Variants in CNTRL observed in about 807,000 individuals in gnomAD.
CNTRL encodes the protein 110 kDa centrosomal protein.
In CNTRL, 233 loss-of-function variants were observed where a neutral mutation model predicts 303.7. The observed-to-expected ratio is 0.77, with a 90% CI of 0.69 to 0.86. The LOEUF (loss-of-function observed/expected upper bound fraction) is 0.86. Among genes scored for constraint, CNTRL ranks in the 40% least tolerant of loss-of-function variants. The pLI is 0.00. For missense variants in CNTRL, 2,524 were observed against 2,650.6 expected, an observed-to-expected ratio of 0.95 and a Z score of 1.05; for synonymous variants, 900 against 922.2, an observed-to-expected ratio of 0.98 and a Z score of 0.44.
intron 1 of CNTRL, 53 bp downstream of exon 1, chr9:121,075,120 GGGGCC>G (rs996067102): frequency 5.6e-6 from 2 of 357,674 alleles, no homozygotes; most frequent in African/African-American, 4.3e-5. Flanking sequence ...CCGAGCAGTG[GGGGCC>G]GGCGGCAAAG....
chr9:121,167,188 G>A (rs1169000936), intron 36 of CNTRL, among the ~76,000 whole-genome samples: 1 of 152,116 alleles, frequency 6.6e-6, no homozygotes, highest in Non-Finnish European at 1.5e-5. Context: ...GCATGTGCCT[G>A]TAGTCCCAGC....
intron 16 of CNTRL, among the ~76,000 whole-genome samples, chr9:121,138,909 G>A (rs1277040102): frequency 6.6e-6 from 1 of 152,168 alleles, no homozygotes; most frequent in African/African-American, 2.4e-5. Context: ...CAAAGAGATA[G>A]AGGCAGTGTC....
Position 121,098,524 on chromosome 9 carries a change from C to T in CNTRL, c.760C>T (p.Pro254Ser). ...LRSLESLEGQ[P>S]VTTQDRQEAF... ...TTCATTGGAAAGTTTGGAAGGTCAGCCAGTAACCACTCAGGATAGACAGGA... is the reference window on the plus strand; with the variant it reads ...TTCATTGGAAAGTTTGGAAGGTCAGTCAGTAACCACTCAGGATAGACAGGA... The change falls in exon 7 of 44, where the codon CCA (proline) becomes TCA (serine). Residue 254 changes from proline to serine, a missense_variant. Coordinates refer to ENST00000373855, the MANE Select transcript of CNTRL (RefSeq NM_007018.6). 1.2e-6 allele frequency: 2 copies of T among 1,613,534 alleles called. No individual in the cohort carries two copies. The highest frequency in any genetic ancestry group is 1.7e-6 in the Non-Finnish European group (2 of 1,179,704).
At chr9:121,116,938 A>T (rs1182642624) in intron 11 of CNTRL, among the ~76,000 whole-genome samples, 1 of 152,214 alleles carries the variant, frequency 6.6e-6, no homozygotes, top group African/African-American at 2.4e-5. Flanking sequence ...TTACTAATTT[A>T]AAAAGAATTT....
rs1009220545 is a variant in CNTRL, at chr9:121,177,365, A to T, written c.*179A>T. ...CAATGTTTTTATAAATCACTTGTAC[A>T]TAGTACATATGGGAATAGTTGCATA... is the stretch of plus-strand genomic sequence containing the variant. On this transcript the variant is annotated 3_prime_UTR_variant, in exon 44 of 44. Transcript: ENST00000373855. 5.3e-6 allele frequency: 3 copies of T among 568,030 alleles called. No individual in the cohort carries two copies. The African/African-American group carries it at 5.8e-5, about 11-fold the overall frequency. The allele number at this position is 568,030 out of a possible 1,614,324, so 35.2% of individuals were successfully genotyped here.
intron 24 of CNTRL, 67 bp downstream of exon 24, chr9:121,148,928 G>A: frequency 7.0e-7 from 1 of 1,438,336 alleles, no homozygotes; most frequent in Non-Finnish European, 9.6e-7. Flanking sequence ...CTGATTCTCT[G>A]AAACCCCTAA....
In CNTRL at chr9:121,165,031, C is replaced by T; in HGVS notation, c.5512C>T (p.Leu1838=). 1 of 1,609,588 alleles carries T rather than the reference C, an allele frequency of 6.2e-7. No homozygotes were observed. Among genetic ancestry groups the T allele is most frequent in the African/African-American group, 1.3e-5 (1 of 74,692 alleles). ...ELNVRKLQQE[L]DQLNRDKLSL... ...GAATGTCAGAAAACTGCAGCAGGAA[C>T]TAGACCAACTAAACAGAGACAAGTT... The change falls in exon 35 of 44, where the codon CTA becomes TTA. Residue 1838 remains leucine, a synonymous_variant. Transcript: ENST00000373855.
intron 7 of CNTRL, among the ~76,000 whole-genome samples, chr9:121,107,045 A>G (rs1447567041): frequency 1.3e-5 from 2 of 152,102 alleles, no homozygotes; most frequent in Non-Finnish European, 2.9e-5. Flanking sequence ...CTATTTGATC[A>G]CATTTTACTA....
In CNTRL at chr9:121,096,465, A is replaced by G; in HGVS notation, c.523A>G (p.Asn175Asp). 1 of 1,573,296 alleles carries G rather than the reference A, an allele frequency of 6.4e-7. No individual in the cohort carries two copies. Among genetic ancestry groups the G allele is most frequent in the Non-Finnish European group, 8.6e-7 (1 of 1,157,546 alleles). Residue 175 changes from asparagine (N) to aspartate (D), a missense_variant, in exon 6 of 44, where the codon AAC (asparagine) becomes GAC (aspartate). Coordinates refer to ENST00000373855, the MANE Select transcript of CNTRL (RefSeq NM_007018.6). ...AAATATGTGTAATCTGCAAAAGCTTAACCTTGCAGGAAATGAAATTGAGCA... is the reference window on the plus strand; with the variant it reads ...AAATATGTGTAATCTGCAAAAGCTTGACCTTGCAGGAAATGAAATTGAGCA... ...IENMCNLQKL[N>D]LAGNEIEHIP...
rs2052035428 is a variant in CNTRL, at chr9:121,148,862, G to T, written c.3649+1G>T. The T allele has an allele frequency of 6.2e-7, 1 of 1,610,644 alleles. No individual in the cohort carries two copies. Among genetic ancestry groups the T allele is most frequent in the Non-Finnish European group, 8.5e-7 (1 of 1,178,456 alleles). On this transcript the variant is annotated splice_donor_variant, in intron 24 of 43. Transcript: ENST00000373855. LOFTEE classifies it high-confidence loss of function. ...TTACATAAACTGTTTCCAAGTAGAG[G>T]TAAGTCAAATCACATAGGAAAGTTG...
At position 121,169,775 on chromosome 9, in the gene CNTRL, G is replaced by C. The variant is rs750637219; in HGVS notation, c.6235G>C (p.Ala2079Pro). ...GAAGCAGGTGGCCAGCCTGAAGGAA[G>C]CACTTAAGATCCAGCGGAGCCAGCT... ...AEKQVASLKEALKIQRSQLEK... is the reference protein window; with the variant it reads ...AEKQVASLKEPLKIQRSQLEK... Residue 2079 changes from alanine to proline, a missense_variant, in exon 39 of 44, where the codon GCA becomes CCA. Ala to Pro is a conservative substitution (Grantham distance 27, BLOSUM62 -1). Coordinates refer to ENST00000373855, the MANE Select transcript of CNTRL (RefSeq NM_007018.6). 6 of 1,614,192 alleles carry C rather than the reference G, an allele frequency of 3.7e-6. No homozygotes were observed. Among genetic ancestry groups the C allele is most frequent in the Non-Finnish European group, 5.1e-6 (6 of 1,180,030 alleles).
chr9:121,096,628 AG>A, intron 6 of CNTRL, 65 bp downstream of exon 6: 1 of 1,266,640 alleles, frequency 7.9e-7, no homozygotes. Flanking sequence ...AAAATATCTA[AG>A]TTTTTTAAAA....
chr9:121,156,035 C>A (rs766046679), intron 27 of CNTRL, among the ~76,000 whole-genome samples: 2 of 151,918 alleles, frequency 1.3e-5, no homozygotes, highest in African/African-American at 4.8e-5. Flanking sequence ...GCTGTTCCTT[C>A]TGTTGTCATA....
chr9:121,154,698 T>C (rs3736854), intron 26 of CNTRL, 23 bp from the exon 27 acceptor site: 44,848 of 1,410,006 alleles, frequency 0.032, 3,143 homozygotes, highest in African/African-American at 0.23. Flanking sequence ...CATTTTTTAA[T>C]GGGTGTATAT....
chr9:121,152,398 A>G, intron 25 of CNTRL, 87 bp from the exon 26 acceptor site: 1 of 1,108,478 alleles, frequency 9.0e-7, no homozygotes, highest in Non-Finnish European at 1.4e-6. Flanking sequence ...TACCACTTTA[A>G]CCACAGTTAA....
chr9:121,137,047 A>G lies in CNTRL; in HGVS notation c.2202+1065A>G, dbSNP rs1193249924. 2.0e-5 allele frequency among the ~76,000 whole-genome samples: 3 copies of G among 152,188 alleles called. No individual in the cohort carries two copies. The East Asian group carries it at 5.8e-4, about 29-fold the overall frequency. ...GGTGAGGAGAGAGAGCATATAGTACATTTGAAGTGCTGAACGTATGCCTCC... is the reference window on the plus strand; with the variant it reads ...GGTGAGGAGAGAGAGCATATAGTACGTTTGAAGTGCTGAACGTATGCCTCC... On this transcript the variant is annotated intron_variant, in intron 15 of 43. Coordinates refer to ENST00000373855, the MANE Select transcript of CNTRL (RefSeq NM_007018.6).
chr9:121,088,227 G>T lies in CNTRL; in HGVS notation c.-31-69G>T, dbSNP rs965654853. 5 of 754,552 alleles carry T rather than the reference G, an allele frequency of 6.6e-6. No homozygotes were observed. The African/African-American group carries it at 7.0e-5, about 11-fold the overall frequency. 46.7% of individuals were successfully genotyped at this position (754,552 alleles called of 1,614,324 possible). On this transcript the variant is annotated intron_variant, in intron 2 of 43. Transcript: ENST00000373855. ...AGTTTATAACTTTATAGACCTGAAG[G>T]TTCTAGAAAGAATAGTTTTGATAAC...
chr9:121,123,947 A>G lies in CNTRL; in HGVS notation c.1667A>G (p.Gln556Arg). The change falls in exon 13 of 44, where the codon CAA becomes CGA. Residue 556 changes from glutamine (Q) to arginine (R), a missense_variant. By Grantham distance (43) the Gln-to-Arg change is conservative. Coordinates refer to ENST00000373855, the MANE Select transcript of CNTRL (RefSeq NM_007018.6). ...TTAATTCAGTCCCATATGAAGGCTC[A>G]AAAGAGCGGTAAAGAACAACAGCTT... ...KDPKHSHMKAQKSGKEQQLDI... is the reference protein window; with the variant it reads ...KDPKHSHMKARKSGKEQQLDI... 6.3e-7 allele frequency: 1 copy of G among 1,599,744 alleles called. No homozygotes were observed. Among genetic ancestry groups the G allele is most frequent in the East Asian group, 2.2e-5 (1 of 44,514 alleles).
At chr9:121,138,869 T>G (rs1252085423) in intron 16 of CNTRL, among the ~76,000 whole-genome samples, 190 bp downstream of exon 16, 2 of 152,212 alleles carry the variant, frequency 1.3e-5, no homozygotes, top group Admixed American at 1.3e-4. Context: ...GATTATTATT[T>G]GTGAATCTCC....
Sources: gnomAD v4.1 joint callset for allele counts (sites outside exome capture counted in the v4.1 genomes callset) on GRCh38, gnomAD v4.1.1 for gene constraint, MANE v1.5 for transcripts, NCBI Gene and HGNC (gene_info 2026-07-23, HGNC 2026-07-21) for gene names.